Variants in CCDC149 observed in about 807,000 individuals in gnomAD.
CCDC149 encodes the protein coiled-coil domain-containing protein 149.
In CCDC149, 45 loss-of-function variants were observed where a neutral mutation model predicts 59.9. That is an observed-to-expected ratio of 0.75 (90% CI 0.59 to 0.96). The LOEUF (loss-of-function observed/expected upper bound fraction) is 0.96, where lower values mean the gene tolerates loss of function less well. Among genes scored for constraint, CCDC149 ranks in the 40% least tolerant of loss-of-function variants. The pLI, the probability that CCDC149 is intolerant of heterozygous loss-of-function variation, is 0.00. For missense variants in CCDC149, 584 were observed against 664.7 expected, an observed-to-expected ratio of 0.88 and a Z score of 1.33; for synonymous variants, 245 against 260.6, an observed-to-expected ratio of 0.94 and a Z score of 0.58.
chr4:24,827,924 T>C (rs1311548610), intron 9 of CCDC149: 1 of 152,174 alleles, frequency 6.6e-6, no homozygotes, highest in Non-Finnish European at 1.5e-5. Flanking sequence ...AGATTGCAAT[T>C]GGGTCATGCA....
At chr4:24,966,486 A>T (rs565023069) in intron 1 of CCDC149, among the ~76,000 whole-genome samples, 1 of 152,096 alleles carries the variant, frequency 6.6e-6, no homozygotes, top group Non-Finnish European at 1.5e-5. Context: ...GCTCTTGGGC[A>T]AGCAGAAGTC....
intron 1 of CCDC149, among the ~76,000 whole-genome samples, chr4:24,955,939 G>C (rs1265495341): frequency 6.6e-6 from 1 of 152,220 alleles, no homozygotes; most frequent in Non-Finnish European, 1.5e-5. Flanking sequence ...CTTCAGTTGA[G>C]TAACACTTTA....
At chr4:24,975,555 GGAGAGGAGAGGGGAGGGGAA>G (rs374392282) in intron 1 of CCDC149, among the ~76,000 whole-genome samples, 5,791 of 146,216 alleles carry the variant, frequency 0.04, 265 homozygotes, top group African/African-American at 0.11. Flanking sequence ...AAAGATGAAA[GGAGAGGAGAGGGGAGGGGAA>G]GAGAGGAGAG....
chr4:24,912,818 T>A lies in CCDC149; in HGVS notation c.62A>T (p.Glu21Val). Reference sequence around the variant, plus strand: ...GCCTGGCCGGCGCCGCGGCCTCACCTCGCTCACCAGCCCCTGCCAGTCGCT... The same window carrying A: ...GCCTGGCCGGCGCCGCGGCCTCACCACGCTCACCAGCCCCTGCCAGTCGCT... Residue 21 changes from glutamate (E) to valine (V), a missense_variant and splice_region_variant, in exon 1 of 13, where the codon GAG becomes GTG. By Grantham distance (121) the Glu-to-Val change is moderately radical. Transcript: ENST00000635206. 3 of 1,343,706 alleles carry A rather than the reference T, an allele frequency of 2.2e-6. No homozygotes were observed. The highest frequency in any genetic ancestry group is 2.9e-6 in the Non-Finnish European group (3 of 1,033,290). The allele number at this position is 1,343,706 out of a possible 1,614,324, so 83.2% of individuals were successfully genotyped here.
At chr4:24,971,517 G>A (rs1723968973) in intron 1 of CCDC149, among the ~76,000 whole-genome samples, 1 of 152,222 alleles carries the variant, frequency 6.6e-6, no homozygotes, top group African/African-American at 2.4e-5. Context: ...GCTTGTGCTT[G>A]GCTTGGAGCC....
At chr4:24,917,308 A>T (rs1722155515), upstream of CCDC149, among the ~76,000 whole-genome samples, 1 of 152,226 alleles carries the variant, frequency 6.6e-6, no homozygotes, top group Admixed American at 6.5e-5. Context: ...TCAGCCAGGC[A>T]GCAGGGGGTG....
chr4:24,968,263 G>T (rs915170721), intron 1 of CCDC149, among the ~76,000 whole-genome samples: 1 of 152,246 alleles, frequency 6.6e-6, no homozygotes, highest in Non-Finnish European at 1.5e-5. Flanking sequence ...CTGAGCTCCA[G>T]TATTCCTTGA....
chr4:24,971,682 G>A (rs976649521), intron 1 of CCDC149, among the ~76,000 whole-genome samples: 7 of 152,140 alleles, frequency 4.6e-5, no homozygotes, highest in Non-Finnish European at 1.0e-4. Flanking sequence ...CTTCCTCTTG[G>A]CAAGGACATT....
intron 1 of CCDC149, among the ~76,000 whole-genome samples, chr4:24,934,980 A>G (rs1722698469): frequency 6.6e-6 from 1 of 152,240 alleles, no homozygotes; most frequent in South Asian, 2.1e-4. Flanking sequence ...TAGAAGAGTA[A>G]CATGAAATGG....
intron 1 of CCDC149, among the ~76,000 whole-genome samples, chr4:24,905,735 C>T (rs995434246): frequency 1.8e-4 from 27 of 152,210 alleles, no homozygotes; most frequent in Admixed American, 1.6e-3. Context: ...GGTGCCCAGC[C>T]TACTCTTATT....
At chr4:24,809,346 T>C (rs182389835) in intron 12 of CCDC149, among the ~76,000 whole-genome samples, 13 of 152,188 alleles carry the variant, frequency 8.5e-5, no homozygotes, top group African/African-American at 2.9e-4. Flanking sequence ...ATAAATTATA[T>C]GCAAATACAC....
At chr4:24,932,049 A>C (rs1722610732) in intron 1 of CCDC149, among the ~76,000 whole-genome samples, 3 of 151,930 alleles carry the variant, frequency 2.0e-5, no homozygotes, top group Admixed American at 2.0e-4. Flanking sequence ...CAGAAAGTGT[A>C]AGTGTTCTAA....
chr4:24,833,150 C>A (rs1471910239), intron 8 of CCDC149, among the ~76,000 whole-genome samples: 1 of 149,970 alleles, frequency 6.7e-6, no homozygotes, highest in African/African-American at 2.5e-5. Flanking sequence ...AAAAGGACAA[C>A]AACCACTGAT....
chr4:24,869,270 T>C (rs1243202929), intron 3 of CCDC149, among the ~76,000 whole-genome samples: 1 of 151,914 alleles, frequency 6.6e-6, no homozygotes, highest in Non-Finnish European at 1.5e-5. Context: ...CGGCCAAAGG[T>C]GTAGGGGCTC....
At chr4:24,820,057 C>G (rs1302958710) in intron 11 of CCDC149, 82 bp from the exon 12 acceptor site, 5 of 977,388 alleles carry the variant, frequency 5.1e-6, no homozygotes, top group Non-Finnish European at 7.7e-6. Context: ...TTAATCGGCA[C>G]AGGGCTGGCT....
At chr4:24,809,487 T>C (rs1374127471) in intron 12 of CCDC149, among the ~76,000 whole-genome samples, 1 of 152,224 alleles carries the variant, frequency 6.6e-6, no homozygotes, top group Non-Finnish European at 1.5e-5. Flanking sequence ...CCAGCCCTCA[T>C]TTCCCTACTC....
In CCDC149 at chr4:24,876,714, T is replaced by G; in HGVS notation, c.64-17A>C. 1.9e-6 allele frequency: 3 copies of G among 1,594,944 alleles called. No individual in the cohort carries two copies. The highest frequency in any genetic ancestry group is 2.6e-6 in the Non-Finnish European group (3 of 1,169,852). ...CACCAGGTACTGCAAAGCAAACAAA[T>G]CCAGGCAATGGGTCAAAAACATCCA... On this transcript the variant is annotated splice_polypyrimidine_tract_variant and intron_variant, in intron 1 of 12. Coordinates refer to ENST00000635206, the MANE Select transcript of CCDC149 (RefSeq NM_001330643.2).
chr4:24,966,441 G>A (rs770336091), intron 1 of CCDC149, among the ~76,000 whole-genome samples: 14 of 151,892 alleles, frequency 9.2e-5, no homozygotes, highest in Non-Finnish European at 1.8e-4. Flanking sequence ...CCATATATAG[G>A]GCACCACATA....
intron 9 of CCDC149, chr4:24,829,629 C>T (rs1342874833): frequency 1.3e-5 from 2 of 151,990 alleles, no homozygotes; most frequent in Middle Eastern, 3.2e-3. Context: ...GAAAGAATAC[C>T]GTGGGAAATG....
Sources: gnomAD v4.1 joint callset for allele counts (sites outside exome capture counted in the v4.1 genomes callset) on GRCh38, gnomAD v4.1.1 for gene constraint, MANE v1.5 for transcripts, NCBI Gene and HGNC (gene_info 2026-07-23, HGNC 2026-07-21) for gene names.